MIDEAS: variants seen among roughly 807,000 people sequenced by gnomAD.
MIDEAS encodes mitotic deacetylase associated SANT domain protein, also known as mitotic deacetylase-associated SANT domain protein.
Under a neutral mutation model 102.7 loss-of-function variants are expected in MIDEAS, and 26 were observed. That is an observed-to-expected ratio of 0.25 (90% CI 0.19 to 0.35). The LOEUF (loss-of-function observed/expected upper bound fraction) is 0.35, where lower values mean the gene tolerates loss of function less well. Among genes scored for constraint, MIDEAS ranks in the 10% least tolerant of loss-of-function variants. MIDEAS has a pLI of 1.00. For synonymous variants in MIDEAS, 585 were observed against 591.0 expected, an observed-to-expected ratio of 0.99 and a Z score of 0.15; for missense variants, 1,231 against 1,435.6, an observed-to-expected ratio of 0.86 and a Z score of 2.30.
Position 73,725,933 on chromosome 14 carries a change from C to T in MIDEAS, c.2485+100G>A, listed in dbSNP as rs1004273155. The T allele has an allele frequency of 1.6e-5, 17 of 1,066,106 alleles. No homozygotes were observed. The highest frequency in any genetic ancestry group is 6.3e-5 in the African/African-American group (4 of 63,244). 66.0% of individuals were successfully genotyped at this position (1,066,106 alleles called of 1,614,324 possible). A position where few individuals can be genotyped will look rare whatever the true frequency, so the allele number is the denominator to read the frequency against. Reference sequence around the variant, plus strand: ...CTTGGCTTATCTACCCTCCTCCTCCCGCCCCCACCCAGGGCTGTGACTCAG... The same window carrying T: ...CTTGGCTTATCTACCCTCCTCCTCCTGCCCCCACCCAGGGCTGTGACTCAG... On this transcript the variant is annotated intron_variant, in intron 8 of 12. Transcript: ENST00000423556. The surrounding 1 kb of genome is among the most constrained non-coding windows in gnomAD (Gnocchi z 4.1).
At chr14:73,771,304 C>A (rs1244542761) in intron 1 of MIDEAS, among the ~76,000 whole-genome samples, 2 of 152,088 alleles carry the variant, frequency 1.3e-5, no homozygotes, top group Non-Finnish European at 2.9e-5. Context: ...TGGGTCTGGG[C>A]CTCCCTCCAC....
At chr14:73,785,532 A>G (rs2053799147) in intron 1 of MIDEAS, among the ~76,000 whole-genome samples, 1 of 152,184 alleles carries the variant, frequency 6.6e-6, no homozygotes, top group South Asian at 2.1e-4. Flanking sequence ...AGGACCTACC[A>G]CCTACTAAGT....
intron 1 of MIDEAS, among the ~76,000 whole-genome samples, chr14:73,773,519 GT>G (rs1410184611): frequency 6.6e-6 from 1 of 151,790 alleles, no homozygotes; most frequent in East Asian, 1.9e-4. Context: ...CACCACTCAG[GT>G]TTCTCCAAGC....
intron 1 of MIDEAS, among the ~76,000 whole-genome samples, chr14:73,778,314 G>A (rs2053709984): frequency 6.6e-6 from 1 of 151,274 alleles, no homozygotes; most frequent in African/African-American, 2.4e-5. Context: ...AGTGAGCTGA[G>A]ATTGCGCCAC....
intron 1 of MIDEAS, among the ~76,000 whole-genome samples, chr14:73,778,225 C>T (rs2053709125): frequency 1.3e-5 from 2 of 152,008 alleles, no homozygotes; most frequent in Non-Finnish European, 2.9e-5. Flanking sequence ...TGCGGCAGCA[C>T]ACACCTGTAA....
At chr14:73,785,268 T>C (rs563921964) in intron 1 of MIDEAS, among the ~76,000 whole-genome samples, 2 of 152,374 alleles carry the variant, frequency 1.3e-5, no homozygotes. Flanking sequence ...ATTATACCCC[T>C]GTAAGGCCCT....
Position 73,717,236 on chromosome 14 carries a change from T to C in MIDEAS, c.*1607A>G, listed in dbSNP as rs2052905425. The stretch of plus-strand genomic sequence containing the variant: ...GGCTCCTTCCTAATACGTTGACCTG[T>C]CATACGCGCATTCACTTAGAATTTC... On this transcript the variant is annotated 3_prime_UTR_variant, in exon 13 of 13. Transcript: ENST00000423556. The C allele has an allele frequency of 6.6e-6, 1 of 152,254 alleles. No homozygotes were observed. Among genetic ancestry groups the C allele is most frequent in the Admixed American group, 6.5e-5 (1 of 15,288 alleles). 9.4% of individuals were successfully genotyped at this position (152,254 alleles called of 1,614,324 possible). A position where few individuals can be genotyped will look rare whatever the true frequency, so the allele number is the denominator to read the frequency against.
At chr14:73,729,354 C>T (rs571382308) in intron 4 of MIDEAS, among the ~76,000 whole-genome samples, 1 of 152,298 alleles carries the variant, frequency 6.6e-6, no homozygotes, top group African/African-American at 2.4e-5. Flanking sequence ...CTAATATCCC[C>T]ATCTTAATAC....
intron 1 of MIDEAS, among the ~76,000 whole-genome samples, chr14:73,747,536 G>A (rs2053368160): frequency 1.3e-5 from 2 of 152,256 alleles, no homozygotes; most frequent in East Asian, 1.9e-4. Context: ...CATGACTGAG[G>A]AGTCAAGATT....
chr14:73,750,624 C>T (rs2053408302), intron 1 of MIDEAS, among the ~76,000 whole-genome samples: 3 of 152,240 alleles, frequency 2.0e-5, no homozygotes, highest in Admixed American at 6.5e-5. Flanking sequence ...AGAAAGGTGG[C>T]TTGGGCCTCT....
chr14:73,726,795 C>T (rs201933767), intron 6 of MIDEAS, 35 bp downstream of exon 6: 30 of 1,605,698 alleles, frequency 1.9e-5, no homozygotes, highest in Non-Finnish European at 2.6e-5. Flanking sequence ...ACCCATGTGC[C>T]TGCCCTCACT....
chr14:73,721,460 C>G lies in MIDEAS; in HGVS notation c.2774G>C (p.Ser925Thr), dbSNP rs541501034. The G allele has an allele frequency of 1.2e-5, 19 of 1,614,174 alleles. 2 individuals are homozygous for G. The South Asian group carries it at 1.9e-4, about 16-fold the overall frequency. The change falls in exon 11 of 13, where the codon AGT becomes ACT. Residue 925 changes from serine to threonine, a missense_variant. Around this residue, in one of 5 missense-constraint regions of MIDEAS, gnomAD observed 391 missense variants for 483.0 expected, o/e 0.81. Coordinates refer to ENST00000423556, the MANE Select transcript of MIDEAS (RefSeq NM_001367710.1). ...CCTCTTGGGCTCCAGCCTCTCTTCA[C>G]TTGGGGACTCTCTTCTGGGAAGAGG... ...RVPLPRRESPSEERLEPKREV... is the reference protein window; with the variant it reads ...RVPLPRRESPTEERLEPKREV...
chr14:73,738,211 C>G (rs1276303131), intron 2 of MIDEAS, among the ~76,000 whole-genome samples: 1 of 151,922 alleles, frequency 6.6e-6, no homozygotes, highest in South Asian at 2.1e-4. Flanking sequence ...GCCTGACCAA[C>G]ATGGTAAAAC....
chr14:73,783,386 A>G (rs1484651357), intron 1 of MIDEAS, among the ~76,000 whole-genome samples: 1 of 152,120 alleles, frequency 6.6e-6, no homozygotes, highest in Non-Finnish European at 1.5e-5. Flanking sequence ...GGGAGGTAGG[A>G]ATTCTTGCCA....
intron 2 of MIDEAS, among the ~76,000 whole-genome samples, chr14:73,737,697 G>T (rs1299091546): frequency 6.6e-6 from 1 of 151,554 alleles, no homozygotes; most frequent in Non-Finnish European, 1.5e-5. Flanking sequence ...ATTTAGTCAC[G>T]GGACTCAAAC....
intron 9 of MIDEAS, chr14:73,723,119 T>G (rs12101005): frequency 7.0e-6 from 2 of 287,280 alleles, no homozygotes; most frequent in Admixed American, 4.8e-5. Flanking sequence ...GCAATATGGA[T>G]TGCATATCAG....
At chr14:73,778,271 G>T (rs1377086899) in intron 1 of MIDEAS, among the ~76,000 whole-genome samples, 1 of 151,658 alleles carries the variant, frequency 6.6e-6, no homozygotes, top group Non-Finnish European at 1.5e-5. Context: ...AGGAGAACAG[G>T]AGAATCACTT....
chr14:73,729,795 C>T lies in MIDEAS; in HGVS notation c.1940G>A (p.Arg647Gln), dbSNP rs751553811. 2.8e-5 allele frequency: 45 copies of T among 1,612,832 alleles called. No individual in the cohort carries two copies. The highest frequency in any genetic ancestry group is 3.1e-5 in the Non-Finnish European group (37 of 1,179,702). Residue 647 changes from arginine (R) to glutamine (Q), a missense_variant, in exon 4 of 13, where the codon CGG becomes CAG. Transcript: ENST00000423556. ...CGTGTAGGGAGGTAGCTCAAAGCTC[C>T]GCTCAGAGGGGTGGTCAGCTAGGCG... ...PVRLADHPSE[R>Q]SFELPPYTPP...
At position 73,768,534 on chromosome 14, in the gene MIDEAS, G is replaced by A. The variant is rs1015227703; in HGVS notation, c.-248+18568C>T. ...AACTTTTTTTTTTTTTTTTTTTTTT[G>A]AGACACAGCCTTACTCTGTTGCTCA... is the stretch of plus-strand genomic sequence containing the variant. On this transcript the variant is annotated intron_variant, in intron 1 of 11. Transcript: ENST00000394071. Among the ~76,000 whole-genome samples, 224 of 75,992 alleles carry A rather than the reference G, an allele frequency of 2.9e-3. 1 individual carries two copies. Among genetic ancestry groups the A allele is most frequent in the African/African-American group, 0.012 (214 of 18,540 alleles). 49.9% of individuals were successfully genotyped at this position (75,992 alleles called of 152,430 possible).
Sources: allele counts gnomAD v4.1 joint callset (sites outside exome capture counted in the v4.1 genomes callset), GRCh38; gene constraint gnomAD v4.1.1; regional missense constraint gnomAD v4.1.1; non-coding constraint Gnocchi (gnomAD v3.1); transcripts MANE v1.5; gene names NCBI Gene and HGNC (gene_info 2026-07-23, HGNC 2026-07-21).